CALCRL: variants seen among roughly 807,000 people sequenced by gnomAD.
CALCRL encodes calcitonin gene-related peptide type 1 receptor.
CALCRL carries 27 observed loss-of-function variants against 60.4 expected under a neutral mutation model. The observed-to-expected ratio is 0.45, with a 90% confidence interval of 0.33 to 0.62. The LOEUF (loss-of-function observed/expected upper bound fraction) is 0.62. Among genes scored for constraint, CALCRL ranks in the 20% least tolerant of loss-of-function variants. CALCRL has a pLI of 0.03. For missense variants in CALCRL, 424 were observed against 540.7 expected, an observed-to-expected ratio of 0.78 and a Z score of 2.14; for synonymous variants, 190 against 182.6, an observed-to-expected ratio of 1.04 and a Z score of -0.33.
intron 3 of CALCRL, among the ~76,000 whole-genome samples, chr2:187,386,470 A>G (rs559139813): frequency 6.6e-6 from 1 of 152,278 alleles, no homozygotes; most frequent in East Asian, 1.9e-4. Flanking sequence ...TCCCTAAGTC[A>G]TCTACATTAT....
chr2:187,406,825 G>A (rs970833161), intron 1 of CALCRL, among the ~76,000 whole-genome samples: 2 of 151,970 alleles, frequency 1.3e-5, no homozygotes, highest in Non-Finnish European at 2.9e-5. Context: ...ACATTATTAA[G>A]TACACACAAA....
chr2:187,393,235 C>T (rs1489635883), intron 1 of CALCRL, among the ~76,000 whole-genome samples: 1 of 152,004 alleles, frequency 6.6e-6, no homozygotes, highest in Non-Finnish European at 1.5e-5. Flanking sequence ...TGGAACAGAA[C>T]CTTTTGGAGA....
At chr2:187,352,012 T>C in intron 13 of CALCRL, 51 bp from the exon 14 acceptor site, 1 of 1,552,098 alleles carries the variant, frequency 6.4e-7, no homozygotes. Context: ...GATACATGTA[T>C]TTGTAATCAA....
chr2:187,360,501 G>T (rs946782818), intron 10 of CALCRL, 97 bp downstream of exon 10: 3 of 1,005,698 alleles, frequency 3.0e-6, no homozygotes, highest in East Asian at 5.2e-5. Context: ...CTTTAAAAAT[G>T]ATTACTCATT....
At chr2:187,433,932 T>A (rs1407781042) in intron 1 of CALCRL, among the ~76,000 whole-genome samples, 1 of 151,982 alleles carries the variant, frequency 6.6e-6, no homozygotes, top group Non-Finnish European at 1.5e-5. Flanking sequence ...TAAGAAATAA[T>A]TTTTTACAAT....
At chr2:187,422,662 T>G (rs1689930098) in intron 1 of CALCRL, among the ~76,000 whole-genome samples, 1 of 152,030 alleles carries the variant, frequency 6.6e-6, no homozygotes, top group Non-Finnish European at 1.5e-5. Flanking sequence ...AAGAACACAT[T>G]AATGTCCAGA....
At chr2:187,364,985 T>G (rs1167792693) in intron 8 of CALCRL, among the ~76,000 whole-genome samples, 1 of 152,192 alleles carries the variant, frequency 6.6e-6, no homozygotes, top group Non-Finnish European at 1.5e-5. Flanking sequence ...GGCTTGACTT[T>G]GTAGTGTATA....
At chr2:187,424,912 CAAT>C (rs771714290) in intron 1 of CALCRL, among the ~76,000 whole-genome samples, 9 of 151,802 alleles carry the variant, frequency 5.9e-5, no homozygotes, top group Non-Finnish European at 1.3e-4. Context: ...ACAAATGTAA[CAAT>C]AATAATATTT....
chr2:187,430,816 T>C (rs961646909), intron 1 of CALCRL, among the ~76,000 whole-genome samples: 1 of 152,094 alleles, frequency 6.6e-6, no homozygotes. Context: ...AGGAACTCTA[T>C]AGAGAAAAGG....
At chr2:187,378,885 G>C in intron 8 of CALCRL, 55 bp downstream of exon 8, 1 of 920,562 alleles carries the variant, frequency 1.1e-6, no homozygotes, top group Non-Finnish European at 1.8e-6. Context: ...GCACATGATG[G>C]GGCATTCACC....
Position 187,342,907 on chromosome 2 carries a change from T to C in CALCRL, c.*3277A>G, listed in dbSNP as rs1014446193. ...TCATTTTATATTTGTGTGAGAGCCA[T>C]GAATATGCCCTCTTTAAAAATTACC... is the stretch of plus-strand genomic sequence containing the variant. On this transcript the variant is annotated 3_prime_UTR_variant, in exon 15 of 15. Coordinates refer to ENST00000392370, the MANE Select transcript of CALCRL (RefSeq NM_005795.6). Among the ~76,000 whole-genome samples, 1 of 151,630 alleles carries C rather than the reference T, an allele frequency of 6.6e-6. No individual in the cohort carries two copies. The highest frequency in any genetic ancestry group is 2.4e-5 in the African/African-American group (1 of 41,418).
chr2:187,439,975 T>C (rs1574330307), intron 1 of CALCRL, among the ~76,000 whole-genome samples: 1 of 152,150 alleles, frequency 6.6e-6, no homozygotes. Flanking sequence ...GATAATGTGA[T>C]GCTTATGTAA....
At chr2:187,439,362 G>A (rs1363545928) in intron 1 of CALCRL, among the ~76,000 whole-genome samples, 1 of 151,970 alleles carries the variant, frequency 6.6e-6, no homozygotes, top group East Asian at 1.9e-4. Context: ...GCTGAGGTAG[G>A]AGAATTGCTC....
At chr2:187,425,562 G>A (rs944473590) in intron 1 of CALCRL, among the ~76,000 whole-genome samples, 3 of 151,878 alleles carry the variant, frequency 2.0e-5, no homozygotes, top group Non-Finnish European at 2.9e-5. Context: ...ATGAAATAAG[G>A]TTAGTTGTTC....
intron 5 of CALCRL, among the ~76,000 whole-genome samples, chr2:187,382,524 G>A (rs974174287): frequency 6.6e-6 from 1 of 152,092 alleles, no homozygotes; most frequent in Non-Finnish European, 1.5e-5. Context: ...TTTTACATTT[G>A]ATATTTTGAA....
intron 1 of CALCRL, among the ~76,000 whole-genome samples, chr2:187,398,706 T>C (rs1688759545): frequency 6.6e-6 from 1 of 151,596 alleles, no homozygotes; most frequent in Admixed American, 6.6e-5. Flanking sequence ...ACTGGAATTC[T>C]CCCTGGGACA....
At chr2:187,426,609 A>G (rs980353743) in intron 1 of CALCRL, among the ~76,000 whole-genome samples, 5 of 152,036 alleles carry the variant, frequency 3.3e-5, no homozygotes, top group African/African-American at 1.2e-4. Flanking sequence ...AACACAAACG[A>G]TATATAATAA....
intron 12 of CALCRL, among the ~76,000 whole-genome samples, chr2:187,357,726 C>T (rs1468046437): frequency 6.6e-6 from 1 of 151,022 alleles, no homozygotes; most frequent in Admixed American, 6.6e-5. Context: ...AGCGCACCAG[C>T]ATGGCACATG....
intron 8 of CALCRL, among the ~76,000 whole-genome samples, chr2:187,368,059 A>G (rs188273838): frequency 5.1e-4 from 78 of 152,180 alleles, no homozygotes; most frequent in African/African-American, 1.8e-3. Context: ...TCTGCCATCT[A>G]TTGATGGTAT....
Sources: gnomAD v4.1 joint callset for allele counts (sites outside exome capture counted in the v4.1 genomes callset) on GRCh38, gnomAD v4.1.1 for gene constraint, MANE v1.5 for transcripts, NCBI Gene and HGNC (gene_info 2026-07-23, HGNC 2026-07-21) for gene names.